Variants in CX3CR1 observed in about 807,000 individuals in gnomAD.
The protein encoded by CX3CR1 is C-X3-C motif chemokine receptor 1.
For synonymous variants in CX3CR1, 168 were observed against 178.5 expected, an observed-to-expected ratio of 0.94 and a Z score of 0.47; for missense variants, 363 against 432.4, an observed-to-expected ratio of 0.84 and a Z score of 1.42.
intron 1 of CX3CR1, among the ~76,000 whole-genome samples, chr3:39,273,594 C>G (rs888651218): frequency 2.0e-5 from 3 of 152,164 alleles, no homozygotes; most frequent in African/African-American, 4.8e-5. Context: ...CCTCTAAGAG[C>G]CTTGCTAGCT....
intron 1 of CX3CR1, among the ~76,000 whole-genome samples, chr3:39,266,886 C>T (rs747958858): frequency 6.6e-5 from 10 of 151,934 alleles, no homozygotes; most frequent in Non-Finnish European, 1.2e-4. Flanking sequence ...GGGGTTCAAG[C>T]GATTCTCCTG....
rs2040700701 is a variant in CX3CR1, at chr3:39,266,387, G to A, written c.123C>T (p.Ile41=). Residue 41 remains isoleucine, a synonymous_variant, in exon 2 of 2, where the codon ATC becomes ATT. Coordinates refer to ENST00000399220, the MANE Select transcript of CX3CR1 (RefSeq NM_001337.4). ...TVFLSIFYSV[I]FAIGLVGNLL... is the part of the protein sequence containing the mutation. ...AATTTCCCACCAGGCCAATGGCAAA[G>A]ATGACGGAGTAGAATATGGACAGGA... 3 of 1,614,228 alleles carry A rather than the reference G, an allele frequency of 1.9e-6. No homozygotes were observed. The highest frequency in any genetic ancestry group is 2.5e-6 in the Non-Finnish European group (3 of 1,180,046).
chr3:39,271,442 A>C (rs1390541127), intron 1 of CX3CR1, among the ~76,000 whole-genome samples: 1 of 152,362 alleles, frequency 6.6e-6, no homozygotes, highest in Non-Finnish European at 1.5e-5. Context: ...GCTCTATAAT[A>C]TGGAGCCCCA....
chr3:39,270,897 G>T lies in CX3CR1; in HGVS notation c.-9-4379C>A, dbSNP rs149933059. Among the ~76,000 whole-genome samples, 73 of 152,182 alleles carry T rather than the reference G, an allele frequency of 4.8e-4. No individual in the cohort carries two copies. In the East Asian group the frequency reaches 0.014, roughly 29 times the overall value. The stretch of plus-strand genomic sequence containing the variant: ...AACTTAGTACAATAACAAGCATGCT[G>T]CACATAATAAGTGGTAGCCAACATA... On this transcript the variant is annotated intron_variant, in intron 1 of 1. Coordinates refer to ENST00000399220, the MANE Select transcript of CX3CR1 (RefSeq NM_001337.4).
At chr3:39,272,418 T>C (rs1458387307) in intron 1 of CX3CR1, among the ~76,000 whole-genome samples, 1 of 152,228 alleles carries the variant, frequency 6.6e-6, no homozygotes, top group Non-Finnish European at 1.5e-5. Flanking sequence ...GCCTACTTCC[T>C]TTTCTCATGC....
chr3:39,266,179 T>G lies in CX3CR1; in HGVS notation c.331A>C (p.Ile111Leu). ...MCKFTTAFFF[I>L]GFFGSIFFIT... ...AAGAATATGCTTCCAAAAAAGCCGA[T>G]GAAGAAGAAGGCGGTAGTGAATTTG... The change falls in exon 2 of 2, where the codon ATC becomes CTC. Residue 111 changes from isoleucine to leucine, a missense_variant. By Grantham distance (5) the Ile-to-Leu change is conservative. Transcript: ENST00000399220. 6.2e-7 allele frequency: 1 copy of G among 1,614,178 alleles called. No individual in the cohort carries two copies. Among genetic ancestry groups the G allele is most frequent in the Non-Finnish European group, 8.5e-7 (1 of 1,180,032 alleles).
the CX3CR1 span, among the ~76,000 whole-genome samples, chr3:39,290,090 T>C: frequency 1.3e-5 from 2 of 152,120 alleles, no homozygotes; most frequent in Non-Finnish European, 2.9e-5. Context: ...AAAGTTAGGT[T>C]TGTTTAGCTT....
upstream of CX3CR1, among the ~76,000 whole-genome samples, chr3:39,282,836 G>A (rs759686639): frequency 1.3e-5 from 2 of 152,174 alleles, no homozygotes; most frequent in African/African-American, 4.8e-5. Flanking sequence ...CTAAGTCCTC[G>A]ATGTACATGA....
chr3:39,275,697 T>C (rs1418100777), intron 1 of CX3CR1, among the ~76,000 whole-genome samples: 1 of 152,226 alleles, frequency 6.6e-6, no homozygotes, highest in Non-Finnish European at 1.5e-5. Flanking sequence ...CTACTCCTTT[T>C]GTGGAGAGAA....
At chr3:39,270,599 C>T (rs765402967) in intron 1 of CX3CR1, among the ~76,000 whole-genome samples, 1 of 152,162 alleles carries the variant, frequency 6.6e-6, no homozygotes, top group Non-Finnish European at 1.5e-5. Context: ...ACATAGTATG[C>T]TGTCATTTGT....
chr3:39,281,187 T>A (rs1269355490), upstream of CX3CR1: 2 of 1,021,118 alleles, frequency 2.0e-6, no homozygotes, highest in African/African-American at 3.5e-5. Flanking sequence ...GTGGAAGAAG[T>A]CCACCAGCAG....
intron 1 of CX3CR1, among the ~76,000 whole-genome samples, chr3:39,275,088 C>T (rs1156436489): frequency 1.3e-5 from 2 of 152,222 alleles, no homozygotes; most frequent in African/African-American, 4.8e-5. Context: ...TCTCAAATTC[C>T]TGACTTCAGG....
chr3:39,286,582 C>G (rs904525717), upstream of CX3CR1: 10 of 138,802 alleles, frequency 7.2e-5, no homozygotes, highest in Admixed American at 2.4e-4. Flanking sequence ...ACCCGGGAAG[C>G]GGAGCTTGCA....
chr3:39,281,657 C>T (rs1559371186), upstream of CX3CR1: 1 of 1,599,344 alleles, frequency 6.3e-7, no homozygotes, highest in South Asian at 1.1e-5. Flanking sequence ...TCCTGAAATC[C>T]AAGTCTGCCA....
At chr3:39,270,291 A>G (rs1026702240) in intron 1 of CX3CR1, among the ~76,000 whole-genome samples, 1 of 152,246 alleles carries the variant, frequency 6.6e-6, no homozygotes, top group Non-Finnish European at 1.5e-5. Flanking sequence ...AAATTACTTT[A>G]AATTGCTTAT....
upstream of CX3CR1, chr3:39,281,825 G>A: frequency 1.4e-6 from 1 of 702,484 alleles, no homozygotes; most frequent in Non-Finnish European, 2.5e-6. Context: ...AACTCACCTG[G>A]CTGTCCTGTC....
chr3:39,281,238 T>C (rs911797728), upstream of CX3CR1: 3 of 1,046,310 alleles, frequency 2.9e-6, no homozygotes, highest in Middle Eastern at 4.7e-4. Flanking sequence ...TGGCCACCTT[T>C]CCCTGCCTTT....
intron 1 of CX3CR1, among the ~76,000 whole-genome samples, chr3:39,267,190 C>A (rs1309301714): frequency 6.6e-6 from 1 of 151,880 alleles, no homozygotes; most frequent in Non-Finnish European, 1.5e-5. Context: ...AAAGGGAGAA[C>A]CATGAGCAGG....
chr3:39,268,292 A>G (rs368601027), intron 1 of CX3CR1, among the ~76,000 whole-genome samples: 4 of 152,314 alleles, frequency 2.6e-5, no homozygotes, highest in Non-Finnish European at 1.5e-5. Context: ...TTCAGGCTAC[A>G]ATGCCCTTTT....
Sources: gnomAD v4.1 joint callset for allele counts (sites outside exome capture counted in the v4.1 genomes callset) on GRCh38, gnomAD v4.1.1 for gene constraint, MANE v1.5 for transcripts, NCBI Gene and HGNC (gene_info 2026-07-23, HGNC 2026-07-21) for gene names.